The following SETBP1 variants were observed in gnomAD, a reference collection of about 807,000 sequenced individuals.
SETBP1 encodes SET binding protein 1.
Under a neutral mutation model 101.0 loss-of-function variants are expected in SETBP1, and 9 were observed. That is an observed-to-expected ratio of 0.09 (90% CI 0.05 to 0.16). The LOEUF is 0.16. SETBP1 is among the 10% of genes least tolerant of loss of function. The probability of loss-of-function intolerance (pLI) is 1.00; values close to 1 mark genes in which losing one functional copy is unlikely to be tolerated. For synonymous variants in SETBP1, 818 were observed against 788.5 expected (o/e 1.04, Z -0.63); for missense variants, 1,858 against 2,033.8 (o/e 0.91, Z 1.66).
chr18:44,729,259 T>C (rs1421332021), intron 2 of SETBP1, among the ~76,000 whole-genome samples: 4 of 152,212 alleles, frequency 2.6e-5, no homozygotes, highest in Non-Finnish European at 5.9e-5. Flanking sequence ...AGCAGAGTTA[T>C]GTTCTGGAAA....
chr18:44,761,136 A>G (rs2070632563), intron 2 of SETBP1, among the ~76,000 whole-genome samples: 1 of 152,226 alleles, frequency 6.6e-6, no homozygotes, highest in Admixed American at 6.5e-5. Flanking sequence ...TTTTTAAAAA[A>G]TTTATAATTG....
At chr18:45,011,340 C>G (rs1388879443) in intron 4 of SETBP1, among the ~76,000 whole-genome samples, 1 of 152,198 alleles carries the variant, frequency 6.6e-6, no homozygotes, top group African/African-American at 2.4e-5. Flanking sequence ...GATAAATCTC[C>G]TCTCTGGTGC....
intron 2 of SETBP1, among the ~76,000 whole-genome samples, chr18:44,837,980 C>T (rs931776510): frequency 1.3e-5 from 2 of 152,156 alleles, no homozygotes; most frequent in Non-Finnish European, 2.9e-5. Context: ...GGCCATGTTT[C>T]CACAATTCTC....
chr18:45,003,423 C>G (rs1465846814), intron 4 of SETBP1, among the ~76,000 whole-genome samples: 1 of 152,166 alleles, frequency 6.6e-6, no homozygotes, highest in East Asian at 1.9e-4. Context: ...TATGTGAGTT[C>G]AAGCCTACTG....
chr18:44,937,670 C>T (rs138832804), intron 3 of SETBP1, among the ~76,000 whole-genome samples: 4 of 152,208 alleles, frequency 2.6e-5, no homozygotes, highest in Admixed American at 1.3e-4. Flanking sequence ...AGGAGAAGAC[C>T]GGCACATCTC....
intron 4 of SETBP1, among the ~76,000 whole-genome samples, chr18:44,957,468 C>T (rs188193698): frequency 2.2e-4 from 33 of 152,172 alleles, no homozygotes; most frequent in African/African-American, 6.5e-4. Flanking sequence ...CCCAAGTCCC[C>T]GAATGTTGAG....
At chr18:44,745,585 C>T (rs1334684598) in intron 2 of SETBP1, among the ~76,000 whole-genome samples, 1 of 152,200 alleles carries the variant, frequency 6.6e-6, no homozygotes, top group Non-Finnish European at 1.5e-5. Context: ...TCCTATTACT[C>T]TCTAACAATT....
chr18:44,780,985 A>G (rs893491318), intron 2 of SETBP1, among the ~76,000 whole-genome samples: 10 of 152,082 alleles, frequency 6.6e-5, no homozygotes, highest in African/African-American at 2.4e-4. Context: ...TATTCAAATG[A>G]CCCTAAGGCA....
chr18:45,027,566 G>C (rs1299683469), intron 4 of SETBP1, among the ~76,000 whole-genome samples: 2 of 152,252 alleles, frequency 1.3e-5, no homozygotes, highest in African/African-American at 4.8e-5. Context: ...CTGCTTTCTA[G>C]GAATTAAAAT....
At chr18:44,818,045 T>C (rs1008639757) in intron 2 of SETBP1, among the ~76,000 whole-genome samples, 2 of 152,230 alleles carry the variant, frequency 1.3e-5, no homozygotes, top group African/African-American at 4.8e-5. Context: ...AGCACCACTC[T>C]TGAGTTTCAT....
At chr18:44,777,501 C>T (rs1415645002) in intron 2 of SETBP1, among the ~76,000 whole-genome samples, 2 of 152,150 alleles carry the variant, frequency 1.3e-5, no homozygotes, top group Non-Finnish European at 2.9e-5. Context: ...TGGCCCGGCA[C>T]CATTCCGCGT....
chr18:44,823,199 G>T (rs997874927), intron 2 of SETBP1, among the ~76,000 whole-genome samples: 8 of 152,190 alleles, frequency 5.3e-5, no homozygotes, highest in Non-Finnish European at 1.2e-4. Context: ...ATAGACTACT[G>T]CTTACACAAA....
chr18:44,868,688 G>C (rs1184986115), intron 2 of SETBP1, among the ~76,000 whole-genome samples: 1 of 131,942 alleles, frequency 7.6e-6, no homozygotes, highest in Non-Finnish European at 1.7e-5. Context: ...GAGAGAGAGA[G>C]AGAGAGAGAG....
At chr18:44,944,099 G>A (rs538671300) in intron 3 of SETBP1, among the ~76,000 whole-genome samples, 3 of 152,204 alleles carry the variant, frequency 2.0e-5, no homozygotes, top group East Asian at 1.9e-4. Flanking sequence ...CTCCCAAAGT[G>A]CTGGGATTAC....
chr18:44,996,948 T>A (rs1010147488), intron 4 of SETBP1, among the ~76,000 whole-genome samples: 3 of 152,208 alleles, frequency 2.0e-5, no homozygotes, highest in African/African-American at 7.2e-5. Context: ...AGGTCTCAGC[T>A]GACGGGAGTA....
At chr18:44,825,429 A>C (rs1191263706) in intron 2 of SETBP1, among the ~76,000 whole-genome samples, 4 of 152,360 alleles carry the variant, frequency 2.6e-5, no homozygotes, top group Admixed American at 1.3e-4. Context: ...CCAGTGAAAA[A>C]GGCACACAAT....
chr18:44,991,226 G>C (rs183386986), intron 4 of SETBP1, among the ~76,000 whole-genome samples: 84 of 120,692 alleles, frequency 7.0e-4, no homozygotes, highest in African/African-American at 2.5e-3. Flanking sequence ...CTGAGTGACA[G>C]AGCGAGACTG....
intron 3 of SETBP1, among the ~76,000 whole-genome samples, chr18:44,930,109 C>T (rs1314611378): frequency 6.6e-6 from 1 of 152,190 alleles, no homozygotes. Context: ...AGATACGTCC[C>T]ACCAATACCT....
intron 5 of SETBP1, among the ~76,000 whole-genome samples, chr18:45,048,864 C>G (rs1029371895): frequency 2.0e-5 from 3 of 148,520 alleles, no homozygotes; most frequent in Non-Finnish European, 4.5e-5. Context: ...CCCAGCTACT[C>G]GGAAGGCTGA....
Sources: allele counts gnomAD v4.1 joint callset (sites outside exome capture counted in the v4.1 genomes callset), GRCh38; gene constraint gnomAD v4.1.1; transcripts MANE v1.5; gene names NCBI Gene and HGNC (gene_info 2026-07-23, HGNC 2026-07-21).